PPP4R2: variants seen among roughly 807,000 people sequenced by gnomAD.
The protein encoded by PPP4R2 is serine/threonine-protein phosphatase 4 regulatory subunit 2.
In PPP4R2, 13 loss-of-function variants were observed where a neutral mutation model predicts 47.2. The observed-to-expected ratio is 0.28, with a 90% CI of 0.18 to 0.44. The LOEUF is 0.44. Among genes scored for constraint, PPP4R2 ranks in the 20% least tolerant of loss-of-function variants. The pLI is 1.00. For missense variants in PPP4R2, 421 were observed against 491.2 expected, an observed-to-expected ratio of 0.86 and a Z score of 1.35; for synonymous variants, 151 against 163.3, an observed-to-expected ratio of 0.92 and a Z score of 0.57.
At chr3:73,023,058 G>T (rs1701991599) in intron 2 of PPP4R2, among the ~76,000 whole-genome samples, 2 of 151,980 alleles carry the variant, frequency 1.3e-5, no homozygotes, top group African/African-American at 4.8e-5. Context: ...GAGGATTTGT[G>T]GGTAAAATTG....
intron 2 of PPP4R2, among the ~76,000 whole-genome samples, chr3:73,011,454 T>G (rs916767769): frequency 6.6e-6 from 1 of 152,094 alleles, no homozygotes; most frequent in Non-Finnish European, 1.5e-5. Context: ...ACACTCCAGC[T>G]TGGGCGAAAG....
chr3:73,052,335 G>A lies in PPP4R2; in HGVS notation c.287+4979G>A, dbSNP rs373540671. 2.0e-4 allele frequency among the ~76,000 whole-genome samples: 29 copies of A among 147,514 alleles called. No individual in the cohort carries two copies. The East Asian group carries it at 4.4e-3, about 22-fold the overall frequency. ...GATGGATTATAACTACTCTCCAAAA[G>A]TGAAGTTACAGTTTGTCAGATGAGA... is the stretch of plus-strand genomic sequence containing the variant. On this transcript the variant is annotated intron_variant, in intron 3 of 8. Coordinates refer to ENST00000356692, the MANE Select transcript of PPP4R2 (RefSeq NM_174907.4).
At chr3:73,056,443 A>C (rs892118684) in intron 3 of PPP4R2, among the ~76,000 whole-genome samples, 2 of 152,190 alleles carry the variant, frequency 1.3e-5, no homozygotes, top group Non-Finnish European at 2.9e-5. Flanking sequence ...GAGACCTTTC[A>C]ATGCTGTTAC....
chr3:73,010,615 G>GT (rs1559548536), intron 2 of PPP4R2, among the ~76,000 whole-genome samples: 1 of 151,552 alleles, frequency 6.6e-6, no homozygotes, highest in African/African-American at 2.4e-5. Flanking sequence ...CTGGAGTGCA[G>GT]TGGTGCAGTC....
chr3:73,005,357 A>G (rs1701586044), intron 2 of PPP4R2, among the ~76,000 whole-genome samples: 1 of 147,006 alleles, frequency 6.8e-6, no homozygotes, highest in African/African-American at 2.5e-5. Flanking sequence ...TTTTTTATCC[A>G]CTTATCTACA....
chr3:73,051,312 A>G (rs933788829), intron 3 of PPP4R2, among the ~76,000 whole-genome samples: 1 of 152,226 alleles, frequency 6.6e-6, no homozygotes, highest in African/African-American at 2.4e-5. Flanking sequence ...TGACTTAGCA[A>G]AATGTGGTTG....
chr3:73,052,182 TTATATC>T (rs1214111928), intron 3 of PPP4R2, among the ~76,000 whole-genome samples: 2 of 151,664 alleles, frequency 1.3e-5, no homozygotes, highest in African/African-American at 4.8e-5. Flanking sequence ...AAAAGTATAT[TTATATC>T]TATTTTGTCT....
chr3:73,039,725 T>A (rs2107294648), intron 2 of PPP4R2, among the ~76,000 whole-genome samples: 1 of 152,146 alleles, frequency 6.6e-6, no homozygotes, highest in South Asian at 2.1e-4. Flanking sequence ...ACAAAGGACA[T>A]CCTCCTGTGA....
intron 2 of PPP4R2, among the ~76,000 whole-genome samples, chr3:73,026,700 G>A (rs907889893): frequency 2.8e-5 from 3 of 107,056 alleles, no homozygotes; most frequent in Admixed American, 8.2e-5. Flanking sequence ...AGATTTTTGC[G>A]ATTTTTTTTT....
At chr3:73,054,198 G>A (rs142255042) in intron 3 of PPP4R2, among the ~76,000 whole-genome samples, 37 of 152,292 alleles carry the variant, frequency 2.4e-4, no homozygotes, top group African/African-American at 7.0e-4. Context: ...GATTACAGGC[G>A]TGAGCCGCCG....
In PPP4R2 at chr3:73,027,130, CCT is replaced by C. The variant is rs1491121433; in HGVS notation, c.117-20055_117-20054del. Among the ~76,000 whole-genome samples the C allele has an allele frequency of 3.9e-5, 6 of 151,928 alleles. No homozygotes were observed. In the East Asian group the frequency reaches 9.7e-4, roughly 24 times the overall value. On this transcript the variant is annotated intron_variant, in intron 2 of 8. Transcript: ENST00000356692. ...TACAGTTCAAATATGAATCTATTCC[CCT>C]GTTTTTTTGTTTTTGAGACAGAGTC...
chr3:73,012,375 C>T (rs529581584), intron 2 of PPP4R2, among the ~76,000 whole-genome samples: 38 of 152,264 alleles, frequency 2.5e-4, no homozygotes, highest in African/African-American at 9.1e-4. Flanking sequence ...TCTCAGCTCA[C>T]TGCAACCTCT....
rs922093295 is a variant in PPP4R2, at chr3:73,067,193, A to T, written c.*1471A>T. 1 of 152,128 alleles carries T rather than the reference A, an allele frequency of 6.6e-6. No individual in the cohort carries two copies. Among genetic ancestry groups the T allele is most frequent in the African/African-American group, 2.4e-5 (1 of 41,452 alleles). The allele number at this position is 152,128 out of a possible 1,614,324, so 9.4% of individuals were successfully genotyped here. ...AAGCAATAAATATTAATGTTATGAAATATTTGACTACATTTTTATCAAAAT... is the reference window on the plus strand; with the variant it reads ...AAGCAATAAATATTAATGTTATGAATTATTTGACTACATTTTTATCAAAAT... On this transcript the variant is annotated 3_prime_UTR_variant, in exon 9 of 9. Transcript: ENST00000356692.
At chr3:73,061,201 A>G (rs1467410165) in intron 5 of PPP4R2, 141 bp downstream of exon 5, 1 of 382,482 alleles carries the variant, frequency 2.6e-6, no homozygotes, top group Non-Finnish European at 4.6e-6. Flanking sequence ...CCTACCATTC[A>G]GTCCCCAAAG....
intron 3 of PPP4R2, among the ~76,000 whole-genome samples, chr3:73,058,806 C>A (rs1702783825): frequency 6.7e-6 from 1 of 148,616 alleles, no homozygotes; most frequent in South Asian, 2.1e-4. Context: ...CCCCCCCCAC[C>A]TTTATTGCTT....
rs1702871953 is a variant in PPP4R2, at chr3:73,062,080, TAATG to T, written c.419+1021_419+1024del. 4.6e-6 allele frequency: 7 copies of T among 1,533,592 alleles called. No homozygotes were observed. In the Admixed American group the frequency reaches 1.3e-4, roughly 28 times the overall value. The allele number at this position is 1,533,592 out of a possible 1,614,324, so 95.0% of individuals were successfully genotyped here. A position where few individuals can be genotyped will look rare whatever the true frequency, so the allele number is the denominator to read the frequency against. Reference sequence around the variant, plus strand: ...TGCAGAGTCAAGTCATAGCGACTAATAATGGGTTATTTTCTTAAATTGTATGCTT... The same window carrying T: ...TGCAGAGTCAAGTCATAGCGACTAATGGTTATTTTCTTAAATTGTATGCTT... On this transcript the variant is annotated intron_variant, in intron 5 of 8. Coordinates refer to ENST00000356692, the MANE Select transcript of PPP4R2 (RefSeq NM_174907.4).
At chr3:73,042,571 G>A (rs1184361232) in intron 2 of PPP4R2, among the ~76,000 whole-genome samples, 1 of 151,810 alleles carries the variant, frequency 6.6e-6, no homozygotes, top group Non-Finnish European at 1.5e-5. Flanking sequence ...CACCATGTTG[G>A]CCAGGATGGT....
At chr3:73,016,319 C>T (rs1701830668) in intron 2 of PPP4R2, among the ~76,000 whole-genome samples, 1 of 151,686 alleles carries the variant, frequency 6.6e-6, no homozygotes, top group Non-Finnish European at 1.5e-5. Context: ...CCAGGGCTGA[C>T]AATGTCTAGA....
chr3:72,997,585 TCC>T (rs990014861), intron 1 of PPP4R2, among the ~76,000 whole-genome samples: 2 of 152,188 alleles, frequency 1.3e-5, no homozygotes, highest in African/African-American at 4.8e-5. Context: ...TTGCACGCCT[TCC>T]ACGCAACAGG....
Sources: gnomAD v4.1 joint callset for allele counts (sites outside exome capture counted in the v4.1 genomes callset) on GRCh38, gnomAD v4.1.1 for gene constraint, MANE v1.5 for transcripts, NCBI Gene and HGNC (gene_info 2026-07-23, HGNC 2026-07-21) for gene names.